The following CALN1 variants were observed in gnomAD, a reference collection of about 807,000 sequenced individuals.
CALN1 encodes the protein calcium-binding protein 8.
A neutral mutation model predicts 30.6 loss-of-function variants in CALN1; 17 were observed. The observed-to-expected ratio is 0.56, with a 90% CI of 0.38 to 0.83. The LOEUF is 0.83. CALN1 is among the 40% of genes least tolerant of loss of function. The pLI is 0.00. For missense variants in CALN1, 291 were observed against 354.9 expected, an observed-to-expected ratio of 0.82 and a Z score of 1.45; for synonymous variants, 156 against 131.4, an observed-to-expected ratio of 1.19 and a Z score of -1.28.
At chr7:71,911,954 C>A (rs1413506878) in intron 5 of CALN1, among the ~76,000 whole-genome samples, 3 of 152,130 alleles carry the variant, frequency 2.0e-5, no homozygotes, top group South Asian at 2.1e-4. Flanking sequence ...TCCCAGAACA[C>A]CACGGTGAGA....
At chr7:71,873,206 G>A (rs1488148350) in intron 5 of CALN1, among the ~76,000 whole-genome samples, 2 of 151,778 alleles carry the variant, frequency 1.3e-5, no homozygotes, top group African/African-American at 4.8e-5. Flanking sequence ...GTTTCACCAC[G>A]TTGGCCAGCC....
Position 72,382,896 on chromosome 7 carries a change from C to G in CALN1, c.119+20355G>C, listed in dbSNP as rs35165759. 9.6e-4 allele frequency among the ~76,000 whole-genome samples: 146 copies of G among 152,284 alleles called. 1 individual carries two copies. Among genetic ancestry groups the G allele is most frequent in the Non-Finnish European group, 1.7e-3 (116 of 68,018 alleles). On this transcript the variant is annotated intron_variant, in intron 2 of 6. Coordinates refer to ENST00000395275, the MANE Select transcript of CALN1 (RefSeq NM_031468.4). ...CTCCACCTCCCGGGTTCAAGCAATT[C>G]TCCTGCCTCAGCCTCCCAAGTAGCT...
chr7:72,385,170 G>A (rs1275064850), intron 2 of CALN1, among the ~76,000 whole-genome samples: 1 of 152,208 alleles, frequency 6.6e-6, no homozygotes, highest in African/African-American at 2.4e-5. Flanking sequence ...GCAAAAATGT[G>A]AAGCAACAAG....
intron 2 of CALN1, among the ~76,000 whole-genome samples, chr7:72,380,399 G>T (rs535059647): frequency 6.6e-6 from 1 of 152,274 alleles, no homozygotes; most frequent in South Asian, 2.1e-4. Context: ...ACTTTGAGAG[G>T]ATCATTTGAA....
chr7:72,268,720 C>G lies in CALN1; in HGVS notation c.244+9966G>C, dbSNP rs142332301. Among the ~76,000 whole-genome samples, 390 of 151,374 alleles carry G rather than the reference C, an allele frequency of 2.6e-3. 1 individual carries two copies. Among genetic ancestry groups the G allele is most frequent in the Non-Finnish European group, 3.9e-3 (266 of 67,938 alleles). On this transcript the variant is annotated intron_variant, in intron 3 of 6. Transcript: ENST00000395275. The stretch of plus-strand genomic sequence containing the variant: ...GCCGAGGCAGGAGAATCACTTCAGC[C>G]CAGAAGGTGGAGGATAAAGTAAGCT...
At chr7:71,875,931 A>C (rs1378774535) in intron 5 of CALN1, among the ~76,000 whole-genome samples, 1 of 152,162 alleles carries the variant, frequency 6.6e-6, no homozygotes, top group Non-Finnish European at 1.5e-5. Flanking sequence ...AGTGTCCCTG[A>C]CCATGAGCAC....
chr7:72,118,878 G>C (rs915749528), intron 3 of CALN1, among the ~76,000 whole-genome samples: 4 of 152,310 alleles, frequency 2.6e-5, no homozygotes, highest in South Asian at 2.1e-4. Context: ...ATCAACAGCT[G>C]CAAGTCCAGA....
At chr7:71,821,788 C>CT (rs775510268) in intron 5 of CALN1, among the ~76,000 whole-genome samples, 1,039 of 95,798 alleles carry the variant, frequency 0.011, 8 homozygotes, top group Middle Eastern at 0.016. Context: ...ATGTTTCTTT[C>CT]TTTTTTTTTT....
intron 3 of CALN1, among the ~76,000 whole-genome samples, chr7:72,137,931 C>T (rs1333450570): frequency 6.6e-6 from 1 of 152,150 alleles, no homozygotes; most frequent in Non-Finnish European, 1.5e-5. Flanking sequence ...CCAATGTCTA[C>T]AATCAGGAAA....
At chr7:72,028,072 A>ATAAAAT (rs1801200293) in intron 4 of CALN1, among the ~76,000 whole-genome samples, 2 of 112,802 alleles carry the variant, frequency 1.8e-5, no homozygotes, top group African/African-American at 9.6e-5. Flanking sequence ...AAAAAAAAAA[A>ATAAAAT]AAAAAAAAAA....
intron 5 of CALN1, among the ~76,000 whole-genome samples, chr7:71,936,386 C>T (rs1257988703): frequency 3.1e-5 from 4 of 131,002 alleles, no homozygotes; most frequent in Admixed American, 9.0e-5. Context: ...GGCGACTGAG[C>T]GAGACTCAGT....
chr7:72,428,769 C>T (rs1007145881), intron 1 of CALN1, among the ~76,000 whole-genome samples: 3 of 152,150 alleles, frequency 2.0e-5, no homozygotes, highest in South Asian at 4.1e-4. Context: ...GAGTCCAAGG[C>T]GGGCAGATTG....
At chr7:72,195,092 T>C (rs1035847923) in intron 3 of CALN1, among the ~76,000 whole-genome samples, 16 of 152,178 alleles carry the variant, frequency 1.1e-4, no homozygotes, top group Non-Finnish European at 1.8e-4. Context: ...CAGTTCGTCA[T>C]GTGAAGCAGC....
At chr7:72,219,684 CATGCACACATGCA>C (rs1438629473) in intron 3 of CALN1, among the ~76,000 whole-genome samples, 1 of 58,414 alleles carries the variant, frequency 1.7e-5, no homozygotes, top group Non-Finnish European at 4.9e-5. Flanking sequence ...CATGCATACA[CATGCACACATGCA>C]ATGCACACAC....
intron 5 of CALN1, among the ~76,000 whole-genome samples, chr7:72,018,932 A>G (rs942079109): frequency 6.6e-6 from 1 of 151,988 alleles, no homozygotes; most frequent in Non-Finnish European, 1.5e-5. Context: ...CACCTCCCAG[A>G]ATCAGATGAT....
At chr7:72,258,867 A>G (rs1337487820) in intron 3 of CALN1, among the ~76,000 whole-genome samples, 3 of 151,632 alleles carry the variant, frequency 2.0e-5, no homozygotes, top group Non-Finnish European at 4.4e-5. Context: ...AGCCTGGCCA[A>G]CATGGTGAAA....
intron 3 of CALN1, among the ~76,000 whole-genome samples, chr7:72,219,716 G>A (rs1240046683): frequency 6.6e-6 from 1 of 151,170 alleles, no homozygotes; most frequent in Non-Finnish European, 1.5e-5. Context: ...ACACGCACGT[G>A]CACACATACA....
In CALN1 at chr7:71,785,052, T is replaced by TG. The variant is rs2115794843; in HGVS notation, c.*2722dup. On this transcript the variant is annotated 3_prime_UTR_variant, in exon 7 of 7. Coordinates refer to ENST00000395275, the MANE Select transcript of CALN1 (RefSeq NM_031468.4). ...CTCTGAGCTCCTGAAGTCTAAGGAA[T>TG]GCCGCTAGCTCAGGGCCGTCTCCAC... The TG allele has an allele frequency of 2.5e-6, 1 of 394,896 alleles. No individual in the cohort carries two copies. Among genetic ancestry groups the TG allele is most frequent in the Non-Finnish European group, 4.5e-6 (1 of 224,344 alleles). The allele number at this position is 394,896 out of a possible 1,614,324, so 24.5% of individuals were successfully genotyped here. A position where few individuals can be genotyped will look rare whatever the true frequency, so the allele number is the denominator to read the frequency against.
intron 1 of CALN1, among the ~76,000 whole-genome samples, chr7:72,439,424 T>G (rs761951590): frequency 2.2e-4 from 33 of 152,110 alleles, no homozygotes; most frequent in Non-Finnish European, 3.8e-4. Flanking sequence ...GATTAACACA[T>G]ATGTTGTGTG....
Sources: allele counts gnomAD v4.1 joint callset (sites outside exome capture counted in the v4.1 genomes callset), GRCh38; gene constraint gnomAD v4.1.1; transcripts MANE v1.5; gene names NCBI Gene and HGNC (gene_info 2026-07-23, HGNC 2026-07-21).